Variants in CDH13 observed in about 807,000 individuals in gnomAD.
CDH13 encodes the protein cadherin 13, also known as cadherin-13.
A neutral mutation model predicts 63.8 loss-of-function variants in CDH13; 24 were observed. That is an observed-to-expected ratio of 0.38 (90% CI 0.27 to 0.53). CDH13 has a LOEUF of 0.53. CDH13 is among the 20% of genes least tolerant of loss of function. The pLI is 0.85. For missense variants in CDH13, 1,049 were observed against 903.1 expected, an observed-to-expected ratio of 1.16 and a Z score of -2.07; for synonymous variants, 503 against 355.3, an observed-to-expected ratio of 1.42 and a Z score of -4.67.
chr16:83,738,054 C>A (rs752261740), intron 10 of CDH13, among the ~76,000 whole-genome samples: 5 of 152,212 alleles, frequency 3.3e-5, no homozygotes, highest in Non-Finnish European at 5.9e-5. Context: ...GTTGTAGACA[C>A]AACAGCAGAA....
At chr16:82,642,509 G>C (rs1909539195) in intron 1 of CDH13, among the ~76,000 whole-genome samples, 1 of 152,152 alleles carries the variant, frequency 6.6e-6, no homozygotes, top group Admixed American at 6.5e-5. Flanking sequence ...TCTTTGGTGG[G>C]AGAGCTGGCT....
chr16:82,774,141 T>A (rs984564507), intron 1 of CDH13, among the ~76,000 whole-genome samples: 1 of 150,774 alleles, frequency 6.6e-6, no homozygotes, highest in Non-Finnish European at 1.5e-5. Context: ...AAAAAAAAAA[T>A]GTGCTTCCCT....
At chr16:83,247,157 G>A (rs779489866) in intron 5 of CDH13, among the ~76,000 whole-genome samples, 4 of 152,188 alleles carry the variant, frequency 2.6e-5, no homozygotes, top group Non-Finnish European at 5.9e-5. Context: ...GAGGTGGGAA[G>A]AACCAGTTCA....
chr16:82,909,687 C>G (rs2041766956), intron 2 of CDH13, among the ~76,000 whole-genome samples: 1 of 152,072 alleles, frequency 6.6e-6, no homozygotes, highest in Admixed American at 6.5e-5. Context: ...ATGAGGGGAA[C>G]AGCATGAGAA....
intron 4 of CDH13, among the ~76,000 whole-genome samples, chr16:83,214,744 T>G (rs995258665): frequency 2.0e-5 from 3 of 152,098 alleles, no homozygotes; most frequent in Admixed American, 1.3e-4. Context: ...GACATGTACT[T>G]TATAGATGCC....
intron 7 of CDH13, among the ~76,000 whole-genome samples, chr16:83,559,645 G>A (rs972214661): frequency 6.6e-6 from 1 of 151,900 alleles, no homozygotes; most frequent in South Asian, 2.1e-4. Flanking sequence ...GAGAGAGGGA[G>A]GGAGGGAGCG....
At chr16:83,643,722 T>G (rs996940951) in intron 8 of CDH13, among the ~76,000 whole-genome samples, 6 of 152,208 alleles carry the variant, frequency 3.9e-5, no homozygotes, top group African/African-American at 1.4e-4. Flanking sequence ...GAATGGGTTC[T>G]TCCATCACTC....
chr16:83,087,608 C>G (rs2033669728), intron 3 of CDH13, among the ~76,000 whole-genome samples: 1 of 134,546 alleles, frequency 7.4e-6, no homozygotes, highest in Non-Finnish European at 1.5e-5. Flanking sequence ...CCGGAGGTCA[C>G]AGCGAGCCAA....
At chr16:83,075,188 G>A (rs926511469) in intron 3 of CDH13, among the ~76,000 whole-genome samples, 2 of 152,096 alleles carry the variant, frequency 1.3e-5, no homozygotes, top group Non-Finnish European at 2.9e-5. Context: ...ACCCTTTATT[G>A]GCTTGTGTCC....
At chr16:83,115,970 A>G (rs2035275310) in intron 3 of CDH13, among the ~76,000 whole-genome samples, 1 of 152,208 alleles carries the variant, frequency 6.6e-6, no homozygotes, top group Admixed American at 6.5e-5. Context: ...AGCCCGGGTC[A>G]AGCTGCGTCT....
At chr16:83,257,453 T>A (rs1265387929) in intron 5 of CDH13, among the ~76,000 whole-genome samples, 2 of 152,200 alleles carry the variant, frequency 1.3e-5, no homozygotes, top group African/African-American at 4.8e-5. Context: ...GTTTCTTTCT[T>A]TGTCCCACCC....
chr16:83,488,201 G>A (rs1009672551), intron 7 of CDH13, among the ~76,000 whole-genome samples: 14 of 152,156 alleles, frequency 9.2e-5, no homozygotes, highest in Admixed American at 1.3e-4. Flanking sequence ...CTATTGTACC[G>A]GACAGTGCAG....
intron 4 of CDH13, among the ~76,000 whole-genome samples, chr16:83,135,676 A>G (rs997179607): frequency 2.6e-5 from 4 of 152,250 alleles, no homozygotes; most frequent in Non-Finnish European, 5.9e-5. Flanking sequence ...ACTACTGGGT[A>G]TCTACCCAGA....
intron 8 of CDH13, 119 bp downstream of exon 8, chr16:83,602,713 G>T: frequency 9.9e-7 from 1 of 1,008,334 alleles, no homozygotes; most frequent in Non-Finnish European, 1.5e-6. Flanking sequence ...ATACTCCTTT[G>T]TGGGAGAGAC....
chr16:83,713,206 CCT>C (rs945959603), intron 10 of CDH13, among the ~76,000 whole-genome samples: 1 of 152,176 alleles, frequency 6.6e-6, no homozygotes, highest in African/African-American at 2.4e-5. Flanking sequence ...TTCTTCCAAC[CCT>C]CTCTCCGTCT....
chr16:82,681,234 C>T (rs1010363244), intron 1 of CDH13, among the ~76,000 whole-genome samples: 1 of 152,198 alleles, frequency 6.6e-6, no homozygotes, highest in Non-Finnish European at 1.5e-5. Context: ...CCTTGAAAAC[C>T]TGATGCCGGT....
chr16:83,669,998 T>C (rs1885789076), intron 8 of CDH13, among the ~76,000 whole-genome samples: 3 of 152,216 alleles, frequency 2.0e-5, no homozygotes, highest in Admixed American at 2.0e-4. Flanking sequence ...AAGTTGATTT[T>C]TCATTTATTG....
At chr16:83,000,511 G>A (rs1172746837) in intron 2 of CDH13, among the ~76,000 whole-genome samples, 1 of 150,024 alleles carries the variant, frequency 6.7e-6, no homozygotes, top group Non-Finnish European at 1.5e-5. Context: ...GGCTCCCAAA[G>A]TGCTAGGATT....
At chr16:83,769,944 T>G (rs1291073979) in intron 11 of CDH13, among the ~76,000 whole-genome samples, 2 of 152,142 alleles carry the variant, frequency 1.3e-5, no homozygotes, top group African/African-American at 4.8e-5. Flanking sequence ...GGTACTTGGT[T>G]ACGGTACATG....
Sources: gnomAD v4.1 joint callset for allele counts (sites outside exome capture counted in the v4.1 genomes callset) on GRCh38, gnomAD v4.1.1 for gene constraint, MANE v1.5 for transcripts, NCBI Gene and HGNC (gene_info 2026-07-23, HGNC 2026-07-21) for gene names.